PTPRN2: variants seen among roughly 807,000 people sequenced by gnomAD.
PTPRN2 encodes receptor-type tyrosine-protein phosphatase N2.
In PTPRN2, 74 loss-of-function variants were observed where a neutral mutation model predicts 118.8. That is an observed-to-expected ratio of 0.62 (90% CI 0.52 to 0.76). The LOEUF (loss-of-function observed/expected upper bound fraction) is 0.76, where lower values mean the gene tolerates loss of function less well. Among genes scored for constraint, PTPRN2 ranks in the 30% least tolerant of loss-of-function variants. PTPRN2 has a pLI of 0.00. For missense variants in PTPRN2, 1,481 were observed against 1,394.4 expected (o/e 1.06, Z -0.99); for synonymous variants, 641 against 608.0 (o/e 1.05, Z -0.80).
At chr7:157,911,294 A>G (rs1230698904) in intron 11 of PTPRN2, among the ~76,000 whole-genome samples, 2 of 152,218 alleles carry the variant, frequency 1.3e-5, no homozygotes, top group Non-Finnish European at 2.9e-5. Flanking sequence ...ATGCCCCCTT[A>G]GAGATTTACC....
At position 157,787,982 on chromosome 7, in the gene PTPRN2, C is replaced by A. The variant is rs965999265; in HGVS notation, c.1789-105045G>T. Among the ~76,000 whole-genome samples, 2 of 152,272 alleles carry A rather than the reference C, an allele frequency of 1.3e-5. No individual in the cohort carries two copies. The highest frequency in any genetic ancestry group is 3.9e-4 in the East Asian group (2 of 5,162). On this transcript the variant is annotated intron_variant, in intron 12 of 22. Coordinates refer to ENST00000389418, the MANE Select transcript of PTPRN2 (RefSeq NM_002847.5). The surrounding 1 kb of genome is among the most constrained non-coding windows in gnomAD (Gnocchi z 5.3). ...CCGGGTCCCCTGGGAACCACGCAGC[C>A]GGGGCCTGGAGGCCGACACAAGCCA...
chr7:158,171,316 T>TATATAC (rs1823662141), intron 5 of PTPRN2, among the ~76,000 whole-genome samples: 1 of 92,062 alleles, frequency 1.1e-5, no homozygotes, highest in South Asian at 3.0e-4. Flanking sequence ...CACATATATA[T>TATATAC]ATATATATAT....
At chr7:157,694,889 G>A (rs1797691097) in intron 12 of PTPRN2, among the ~76,000 whole-genome samples, 1 of 151,856 alleles carries the variant, frequency 6.6e-6, no homozygotes, top group South Asian at 2.1e-4. Context: ...TGAGAGACAT[G>A]TTGATTGAAA....
At chr7:158,312,138 GTA>G (rs1202171160) in intron 3 of PTPRN2, among the ~76,000 whole-genome samples, 3 of 141,152 alleles carry the variant, frequency 2.1e-5, no homozygotes, top group Non-Finnish European at 4.5e-5. Context: ...GTGCTCACGT[GTA>G]GACAGCCACA....
chr7:157,872,825 AG>A (rs1333927112), intron 12 of PTPRN2, among the ~76,000 whole-genome samples: 1 of 152,170 alleles, frequency 6.6e-6, no homozygotes, highest in African/African-American at 2.4e-5. Flanking sequence ...GGCGGGGTAG[AG>A]GGGTGACGGG....
At chr7:158,122,496 A>C (rs1340334634) in intron 9 of PTPRN2, among the ~76,000 whole-genome samples, 1 of 152,210 alleles carries the variant, frequency 6.6e-6, no homozygotes, top group East Asian at 1.9e-4. Flanking sequence ...ACGCATGAGC[A>C]GAAAATGACT....
chr7:158,180,253 T>G (rs546624636), intron 5 of PTPRN2, among the ~76,000 whole-genome samples: 1 of 152,360 alleles, frequency 6.6e-6, no homozygotes, highest in Non-Finnish European at 1.5e-5. Flanking sequence ...AGTTTATGGT[T>G]TTCTATGCTT....
At chr7:158,422,050 C>T (rs1328725094) in intron 2 of PTPRN2, among the ~76,000 whole-genome samples, 1 of 152,182 alleles carries the variant, frequency 6.6e-6, no homozygotes, top group Non-Finnish European at 1.5e-5. Context: ...ATAATCGAGC[C>T]TCATCACAGA....
rs1276741394 is a variant in PTPRN2, at chr7:157,774,919, A to G, written c.1789-91982T>C. Among the ~76,000 whole-genome samples, 6 of 152,338 alleles carry G rather than the reference A, an allele frequency of 3.9e-5. No individual in the cohort carries two copies. In the East Asian group the frequency reaches 7.7e-4, roughly 20 times the overall value. The stretch of plus-strand genomic sequence containing the variant: ...GCCTGAAATAATAACTGGTCAAGGA[A>G]CATGGTCTCTTCTTCTGCTACTTAC... On this transcript the variant is annotated intron_variant, in intron 12 of 22. Coordinates refer to ENST00000389418, the MANE Select transcript of PTPRN2 (RefSeq NM_002847.5).
chr7:158,103,297 A>G (rs1815395099), intron 10 of PTPRN2, among the ~76,000 whole-genome samples: 1 of 151,988 alleles, frequency 6.6e-6, no homozygotes, highest in South Asian at 2.1e-4. Flanking sequence ...CCTTCGTGGA[A>G]AGGAATGCAG....
chr7:157,613,209 T>A (rs982961392), intron 15 of PTPRN2, among the ~76,000 whole-genome samples: 2 of 152,202 alleles, frequency 1.3e-5, no homozygotes, highest in Admixed American at 1.3e-4. Flanking sequence ...TCGAGGGCGC[T>A]GACGAGGCCG....
At chr7:158,094,450 C>T (rs1405280952) in intron 10 of PTPRN2, among the ~76,000 whole-genome samples, 1 of 152,106 alleles carries the variant, frequency 6.6e-6, no homozygotes, top group Non-Finnish European at 1.5e-5. Flanking sequence ...GCTGGGATTA[C>T]AGGCACCTGC....
intron 2 of PTPRN2, among the ~76,000 whole-genome samples, chr7:158,375,829 G>GTGGGA (rs1810457457): frequency 6.6e-6 from 1 of 152,132 alleles, no homozygotes; most frequent in African/African-American, 2.4e-5. Context: ...GAGATTGGCT[G>GTGGGA]CGGGACGGCC....
chr7:158,300,333 C>T (rs745653686), intron 3 of PTPRN2, among the ~76,000 whole-genome samples: 2 of 152,136 alleles, frequency 1.3e-5, no homozygotes, highest in African/African-American at 2.4e-5. Flanking sequence ...TCGTCTGATC[C>T]GACGGCTAGG....
chr7:157,556,533 C>G (rs374034656), intron 21 of PTPRN2, among the ~76,000 whole-genome samples: 57 of 149,786 alleles, frequency 3.8e-4, no homozygotes, highest in African/African-American at 1.4e-3. Flanking sequence ...CCACACAACA[C>G]TCGCATCCAC....
intron 5 of PTPRN2, among the ~76,000 whole-genome samples, chr7:158,168,295 G>T (rs1324152197): frequency 6.6e-6 from 1 of 152,202 alleles, no homozygotes; most frequent in Non-Finnish European, 1.5e-5. Context: ...CCTTTGCACG[G>T]CAGCTCGGAG....
At chr7:158,328,689 C>A (rs560830372) in intron 2 of PTPRN2, among the ~76,000 whole-genome samples, 2 of 151,650 alleles carry the variant, frequency 1.3e-5, no homozygotes, top group African/African-American at 4.8e-5. Flanking sequence ...CCAGGAGAGG[C>A]CAGCTTCCCT....
intron 11 of PTPRN2, among the ~76,000 whole-genome samples, chr7:158,024,925 C>T (rs1181977504): frequency 2.0e-5 from 3 of 152,106 alleles, no homozygotes; most frequent in Admixed American, 6.5e-5. Flanking sequence ...AAAACAGAAA[C>T]GAAAAGATTG....
At chr7:157,917,295 G>T (rs1217667723) in intron 11 of PTPRN2, among the ~76,000 whole-genome samples, 1 of 152,262 alleles carries the variant, frequency 6.6e-6, no homozygotes, top group Non-Finnish European at 1.5e-5. Context: ...AGCCTGCAAC[G>T]CAGAAGTGCA....
Sources: gnomAD v4.1 joint callset for allele counts (sites outside exome capture counted in the v4.1 genomes callset) on GRCh38, gnomAD v4.1.1 for gene constraint, Gnocchi (gnomAD v3.1) non-coding constraint, MANE v1.5 for transcripts, NCBI Gene and HGNC (gene_info 2026-07-23, HGNC 2026-07-21) for gene names.